APP: variants seen among roughly 807,000 people sequenced by gnomAD.
The protein encoded by APP is amyloid-beta precursor protein.
In APP, 31 loss-of-function variants were observed where a neutral mutation model predicts 101.4. The ratio of observed to expected loss-of-function variants is 0.31; its 90% confidence interval spans 0.23 to 0.41. The LOEUF is 0.41. Ranked by LOEUF, APP falls within the 10% of genes least tolerant of loss-of-function variation. The probability of loss-of-function intolerance (pLI) is 1.00; values close to 1 mark genes in which losing one functional copy is unlikely to be tolerated. For missense variants in APP, 839 were observed against 1,003.7 expected (o/e 0.84, Z 2.22); for synonymous variants, 366 against 364.4 (o/e 1.00, Z -0.05).
intron 9 of APP, 24 bp from the exon 10 acceptor site, chr21:25,976,052 A>C: frequency 4.4e-6 from 7 of 1,573,328 alleles, no homozygotes; most frequent in Non-Finnish European, 6.1e-6. Flanking sequence ...AAACATTTGA[A>C]TTTAAAATCA....
intron 14 of APP, 102 bp downstream of exon 14, chr21:25,911,639 C>A: frequency 9.3e-7 from 1 of 1,071,144 alleles, no homozygotes; most frequent in Non-Finnish European, 1.4e-6. Flanking sequence ...AAAAAATTCA[C>A]CACTCAAGAA....
Position 26,164,749 on chromosome 21 carries a change from A to G in APP, c.57+5815T>C, listed in dbSNP as rs1160980658. Among the ~76,000 whole-genome samples, 4 of 151,274 alleles carry G rather than the reference A, an allele frequency of 2.6e-5. No homozygotes were observed. The South Asian group carries it at 6.3e-4, about 24-fold the overall frequency. ...CGAGTGCCCATAGTCCCAGCTACTC[A>G]GGAGGCTGAGGCAGGAGAATCGCTT... is the stretch of plus-strand genomic sequence containing the variant. On this transcript the variant is annotated intron_variant, in intron 1 of 17. Transcript: ENST00000346798.
intron 1 of APP, among the ~76,000 whole-genome samples, chr21:26,114,694 AT>A (rs201387107): frequency 2.0e-5 from 3 of 150,480 alleles, no homozygotes; most frequent in Non-Finnish European, 3.0e-5. Flanking sequence ...TAAATGCTTC[AT>A]TTTTTTTTCC....
chr21:25,997,374 CG>C lies in APP; in HGVS notation c.1075del (p.Arg359GlufsTer52), dbSNP rs770887864. ...TGACAACGTACGTTTAACAGGATCT[CG>C]GGCAAGAGGTTCCTGGGTAGTCTTG... is the stretch of plus-strand genomic sequence containing the variant. ...LLKTTQEPLARDPVKLPTTAA... is the reference protein window; with the variant it reads ...LLKTTQEPLAXDPVKLPTTAA... On this transcript the variant is annotated frameshift_variant, in exon 8 of 18. Coordinates refer to ENST00000346798, the MANE Select transcript of APP (RefSeq NM_000484.4). LOFTEE classifies it high-confidence loss of function. 1.9e-6 allele frequency: 3 copies of C among 1,613,896 alleles called. No homozygotes were observed. The highest frequency in any genetic ancestry group is 2.5e-6 in the Non-Finnish European group (3 of 1,179,850).
intron 6 of APP, among the ~76,000 whole-genome samples, chr21:26,005,685 A>G (rs2043500494): frequency 6.6e-6 from 1 of 152,222 alleles, no homozygotes; most frequent in African/African-American, 2.4e-5. Flanking sequence ...AAAATATCTC[A>G]AGAGAGAGTT....
At chr21:26,111,546 G>T (rs542634923) in intron 2 of APP, among the ~76,000 whole-genome samples, 1 of 151,880 alleles carries the variant, frequency 6.6e-6, no homozygotes, top group Non-Finnish European at 1.5e-5. Flanking sequence ...AGACAGCCTG[G>T]CCAACACAAG....
At chr21:25,997,979 T>G (rs989581806) in intron 7 of APP, among the ~76,000 whole-genome samples, 3 of 152,190 alleles carry the variant, frequency 2.0e-5, no homozygotes, top group Non-Finnish European at 2.9e-5. Context: ...CCAGGACACC[T>G]GGACAGGTGC....
chr21:26,043,328 T>C (rs1168811168), intron 5 of APP, among the ~76,000 whole-genome samples: 1 of 152,082 alleles, frequency 6.6e-6, no homozygotes, highest in Non-Finnish European at 1.5e-5. Flanking sequence ...CTCCACCTCC[T>C]GGGTTCAAGC....
At chr21:26,102,736 C>G (rs1257911763) in intron 2 of APP, among the ~76,000 whole-genome samples, 1 of 151,314 alleles carries the variant, frequency 6.6e-6, no homozygotes, top group Non-Finnish European at 1.5e-5. Flanking sequence ...AGTAAAAATA[C>G]AAAAATTATC....
At chr21:26,054,709 C>T (rs1294460180) in intron 3 of APP, among the ~76,000 whole-genome samples, 1 of 146,082 alleles carries the variant, frequency 6.8e-6, no homozygotes, top group Non-Finnish European at 1.5e-5. Flanking sequence ...AGCAGGGAGA[C>T]CACCAAGTAG....
chr21:26,089,779 T>G, intron 3 of APP, 164 bp downstream of exon 3: 1 of 978,376 alleles, frequency 1.0e-6, no homozygotes, highest in Non-Finnish European at 1.5e-6. Flanking sequence ...TCCTATAGGG[T>G]CAGTGCACAG....
chr21:25,881,136 G>A lies in APP; in HGVS notation c.*534C>T. On this transcript the variant is annotated 3_prime_UTR_variant, in exon 18 of 18. Coordinates refer to ENST00000346798, the MANE Select transcript of APP (RefSeq NM_000484.4). Reference sequence around the variant, plus strand: ...TATAGCAGAAGCAGCAATCTGTACAGTAAAATGCAGTCATGGAAAAAAAAT... The same window carrying A: ...TATAGCAGAAGCAGCAATCTGTACAATAAAATGCAGTCATGGAAAAAAAAT... 5.4e-6 allele frequency: 1 copy of A among 184,958 alleles called. No homozygotes were observed. The highest frequency in any genetic ancestry group is 1.1e-4 in the South Asian group (1 of 8,980). 11.5% of individuals were successfully genotyped at this position (184,958 alleles called of 1,614,324 possible). A position where few individuals can be genotyped will look rare whatever the true frequency, so the allele number is the denominator to read the frequency against.
chr21:26,006,714 T>C (rs2043546260), intron 6 of APP, among the ~76,000 whole-genome samples: 1 of 152,210 alleles, frequency 6.6e-6, no homozygotes. Flanking sequence ...TTAATAAATT[T>C]AGAATGAACA....
chr21:25,912,096 A>G lies in APP; in HGVS notation c.1688-134T>C. 4.1e-6 allele frequency: 3 copies of G among 733,408 alleles called. No homozygotes were observed. The South Asian group carries it at 4.4e-5, about 11-fold the overall frequency. 45.4% of individuals were successfully genotyped at this position (733,408 alleles called of 1,614,324 possible). Reference sequence around the variant, plus strand: ...GCATGATCGCGTTTAGAGCCATGACATAGGTACCATTATCATCTCCCTTTT... The same window carrying G: ...GCATGATCGCGTTTAGAGCCATGACGTAGGTACCATTATCATCTCCCTTTT... On this transcript the variant is annotated intron_variant, in intron 13 of 17. Transcript: ENST00000346798.
chr21:25,894,897 A>G (rs879485327), intron 16 of APP, among the ~76,000 whole-genome samples: 26 of 152,204 alleles, frequency 1.7e-4, no homozygotes, highest in Admixed American at 1.5e-3. Context: ...GGAAGAGTCA[A>G]TCGATGCAGC....
intron 11 of APP, among the ~76,000 whole-genome samples, chr21:25,967,942 T>A (rs997868063): frequency 6.6e-6 from 1 of 152,188 alleles, no homozygotes; most frequent in Non-Finnish European, 1.5e-5. Context: ...ATTTAATTCT[T>A]CCAGGGGGAA....
chr21:26,051,069 G>A lies in APP; in HGVS notation c.593C>T (p.Ser198Phe), dbSNP rs1396086494. 6.2e-7 allele frequency: 1 copy of A among 1,614,170 alleles called. No individual in the cohort carries two copies. The highest frequency in any genetic ancestry group is 1.7e-5 in the Admixed American group (1 of 60,016). ...CGAGTCATCCTCCTCCGCATCAGCA[G>A]AATCCACATTGTCACTTTCTTCAGC... is the stretch of plus-strand genomic sequence containing the variant. ...PLAEESDNVD[S>F]ADAEEDDSDV... The change falls in exon 5 of 18, where the codon TCT becomes TTT. Residue 198 changes from serine (S) to phenylalanine (F), a missense_variant. Transcript: ENST00000346798.
chr21:26,103,467 G>A (rs571115663), intron 2 of APP, among the ~76,000 whole-genome samples: 72 of 186 alleles, frequency 0.39, no homozygotes, highest in Non-Finnish European at 0.25. Flanking sequence ...ACATGTGGTG[G>A]CGTGCACCTT....
At chr21:25,936,418 C>T (rs948881270) in intron 13 of APP, among the ~76,000 whole-genome samples, 1 of 152,162 alleles carries the variant, frequency 6.6e-6, no homozygotes, top group African/African-American at 2.4e-5. Flanking sequence ...CCAGGCATGC[C>T]TGTAATCTCA....
Sources: gnomAD v4.1 joint callset for allele counts (sites outside exome capture counted in the v4.1 genomes callset) on GRCh38, gnomAD v4.1.1 for gene constraint, MANE v1.5 for transcripts, NCBI Gene and HGNC (gene_info 2026-07-23, HGNC 2026-07-21) for gene names.